The following COL19A1 variants were observed in gnomAD, a reference collection of about 807,000 sequenced individuals.
The protein encoded by COL19A1 is collagen alpha-1(XIX) chain.
Under a neutral mutation model 190.2 loss-of-function variants are expected in COL19A1, and 159 were observed. That is an observed-to-expected ratio of 0.84 (90% CI 0.73 to 0.95). COL19A1 has a LOEUF of 0.95. Among genes scored for constraint, COL19A1 ranks in the 40% least tolerant of loss-of-function variants. COL19A1 has a pLI of 0.00. For synonymous variants in COL19A1, 509 were observed against 458.9 expected, an observed-to-expected ratio of 1.11 and a Z score of -1.39; for missense variants, 1,418 against 1,431.9, an observed-to-expected ratio of 0.99 and a Z score of 0.16.
chr6:70,133,437 C>CA (rs1785645676), intron 18 of COL19A1, among the ~76,000 whole-genome samples: 2 of 152,284 alleles, frequency 1.3e-5, no homozygotes, highest in African/African-American at 4.8e-5. Context: ...GGAGACCATC[C>CA]ACATGACCAG....
rs113244615 is a variant in COL19A1 at position 69,911,392 on chromosome 6, TC to T, written c.266+11059del. 2.8e-3 allele frequency among the ~76,000 whole-genome samples: 428 copies of T among 152,100 alleles called. 2 individuals are homozygous for T. Among genetic ancestry groups the T allele is most frequent in the African/African-American group, 9.7e-3 (401 of 41,406 alleles). On this transcript the variant is annotated intron_variant, in intron 4 of 50. Transcript: ENST00000620364. ...TTATGTTTCCTAAGACACTTTTTTT[TC>T]CCCCAAATTAGGTGACATTTTAATA...
intron 49 of COL19A1, among the ~76,000 whole-genome samples, chr6:70,205,357 C>T (rs1767791605): frequency 6.6e-6 from 1 of 152,156 alleles, no homozygotes; most frequent in Non-Finnish European, 1.5e-5. Flanking sequence ...CTATCTAATT[C>T]TCAACAATAA....
chr6:69,920,089 A>T (rs942301918), intron 4 of COL19A1, among the ~76,000 whole-genome samples: 1 of 152,156 alleles, frequency 6.6e-6, no homozygotes, highest in Admixed American at 6.5e-5. Flanking sequence ...AGCACAATTC[A>T]TGCCCCTTGC....
At position 70,082,691 on chromosome 6, in the gene COL19A1, G is replaced by A. The variant is rs547743463; in HGVS notation, c.1224+14215G>A. Among the ~76,000 whole-genome samples the A allele has an allele frequency of 9.8e-5, 15 of 152,316 alleles. No individual in the cohort carries two copies. The Middle Eastern group carries it at 0.014, about 138-fold the overall frequency. ...CTCCCAAAGTGCTGGGATTACAGGTGTGAGCCACCACGCCCAGCCAATGAA... is the reference window on the plus strand; with the variant it reads ...CTCCCAAAGTGCTGGGATTACAGGTATGAGCCACCACGCCCAGCCAATGAA... On this transcript the variant is annotated intron_variant, in intron 15 of 50. Transcript: ENST00000620364.
intron 34 of COL19A1, among the ~76,000 whole-genome samples, chr6:70,158,533 T>C (rs1787581141): frequency 6.6e-6 from 1 of 152,056 alleles, no homozygotes; most frequent in South Asian, 2.1e-4. Flanking sequence ...AAAAGCAACA[T>C]TTTCTTCCAC....
chr6:69,913,356 G>C (rs1267197703), intron 4 of COL19A1, among the ~76,000 whole-genome samples: 1 of 152,036 alleles, frequency 6.6e-6, no homozygotes, highest in Admixed American at 6.5e-5. Context: ...AGAATTTAAG[G>C]GTGAATAGAA....
chr6:70,005,405 G>A (rs990732227), intron 11 of COL19A1, among the ~76,000 whole-genome samples: 4 of 152,026 alleles, frequency 2.6e-5, no homozygotes, highest in Non-Finnish European at 5.9e-5. Flanking sequence ...CAATGGTCAG[G>A]TACCTCTTCT....
At chr6:70,186,652 C>T (rs1159590665) in intron 46 of COL19A1, among the ~76,000 whole-genome samples, 2 of 152,160 alleles carry the variant, frequency 1.3e-5, no homozygotes, top group South Asian at 2.1e-4. Context: ...GTGAGGATCA[C>T]TTCCTGGAGT....
intron 2 of COL19A1, chr6:69,891,072 C>A: frequency 6.5e-6 from 2 of 306,888 alleles, no homozygotes; most frequent in Non-Finnish European, 6.8e-6. Context: ...GGCCTGAAGG[C>A]AAGAACAGAC....
chr6:70,205,888 C>G (rs185989851), intron 49 of COL19A1, among the ~76,000 whole-genome samples: 1 of 152,264 alleles, frequency 6.6e-6, no homozygotes, highest in Non-Finnish European at 1.5e-5. Flanking sequence ...TGATGAAGTA[C>G]ATTTGGGAGA....
chr6:70,002,965 T>A (rs1223901721), intron 11 of COL19A1, among the ~76,000 whole-genome samples: 1 of 152,166 alleles, frequency 6.6e-6, no homozygotes, highest in Non-Finnish European at 1.5e-5. Flanking sequence ...GCTCTTTTAA[T>A]TGTGATGTTA....
At chr6:70,000,936 C>A (rs1443813520) in intron 11 of COL19A1, among the ~76,000 whole-genome samples, 2 of 152,156 alleles carry the variant, frequency 1.3e-5, no homozygotes, top group Non-Finnish European at 2.9e-5. Flanking sequence ...ATCATGAAGT[C>A]TTTGCCCATG....
At chr6:69,924,661 A>G (rs971886641) in intron 4 of COL19A1, among the ~76,000 whole-genome samples, 1 of 152,146 alleles carries the variant, frequency 6.6e-6, no homozygotes, top group Non-Finnish European at 1.5e-5. Flanking sequence ...GAATCGCCAC[A>G]CTCTCTTCCA....
rs141109762 is a variant in COL19A1 at position 69,994,268 on chromosome 6, C to T, written c.1027-29359C>T. Among the ~76,000 whole-genome samples the T allele has an allele frequency of 3.9e-5, 6 of 152,206 alleles. No homozygotes were observed. In the East Asian group the frequency reaches 1.2e-3, roughly 29 times the overall value. On this transcript the variant is annotated intron_variant, in intron 11 of 50. Transcript: ENST00000620364. The stretch of plus-strand genomic sequence containing the variant: ...TTGTGATTTTAATGATGTTAAATTC[C>T]TAGCTCTTTTCATCTTGTTCACTCT...
In COL19A1 at chr6:70,182,827, AG is replaced by A. The variant is rs1364550555; in HGVS notation, c.2776-1874del. On this transcript the variant is annotated intron_variant, in intron 44 of 50. Transcript: ENST00000620364. ...TTGAGAGAGGAAAATTTGATGACAC[AG>A]GAGAGTGAAGACTACTTTGAGTAGA... Among the ~76,000 whole-genome samples the A allele has an allele frequency of 2.0e-5, 3 of 152,304 alleles. No homozygotes were observed. The East Asian group carries it at 5.8e-4, about 29-fold the overall frequency.
Position 70,179,437 on chromosome 6 carries a change from G to A in COL19A1, c.2668-875G>A, listed in dbSNP as rs189608687. 8.7e-4 allele frequency among the ~76,000 whole-genome samples: 133 copies of A among 152,262 alleles called. 1 individual carries two copies. The highest frequency in any genetic ancestry group is 2.6e-4 in the Admixed American group (4 of 15,286). On this transcript the variant is annotated intron_variant, in intron 42 of 50. Coordinates refer to ENST00000620364, the MANE Select transcript of COL19A1 (RefSeq NM_001858.6). The stretch of plus-strand genomic sequence containing the variant: ...GTGTGCTTCCAGTCTCCACTGGACC[G>A]TCTGCCCCTCTCGTCCCTCGCTGTG...
chr6:70,086,697 A>G (rs1327800749), intron 15 of COL19A1, among the ~76,000 whole-genome samples: 2 of 152,254 alleles, frequency 1.3e-5, no homozygotes, highest in Non-Finnish European at 2.9e-5. Flanking sequence ...CAGATCTTAA[A>G]GAACTTTCAA....
intron 36 of COL19A1, 67 bp downstream of exon 36, chr6:70,163,463 C>A (rs1787944559): frequency 2.1e-6 from 3 of 1,421,752 alleles, no homozygotes; most frequent in East Asian, 2.4e-5. Context: ...TGAGACTCTT[C>A]ACAGAGAGAG....
At chr6:69,939,964 T>G (rs1773367993) in intron 9 of COL19A1, among the ~76,000 whole-genome samples, 2 of 152,160 alleles carry the variant, frequency 1.3e-5, no homozygotes, top group Admixed American at 1.3e-4. Flanking sequence ...ACATACACAT[T>G]TCTTAACTTG....
Sources: allele counts gnomAD v4.1 joint callset (sites outside exome capture counted in the v4.1 genomes callset), GRCh38; gene constraint gnomAD v4.1.1; transcripts MANE v1.5; gene names NCBI Gene and HGNC (gene_info 2026-07-23, HGNC 2026-07-21).